ASB1: variants seen among roughly 807,000 people sequenced by gnomAD.
ASB1 encodes ankyrin repeat and SOCS box protein 1.
In ASB1, 18 loss-of-function variants were observed where a neutral mutation model predicts 27.7. The ratio of observed to expected loss-of-function variants is 0.65; its 90% CI spans 0.45 to 0.96. ASB1 has a LOEUF of 0.96. Among genes scored for constraint, ASB1 ranks in the 50% least tolerant of loss-of-function variants. The pLI is 0.00. For synonymous variants in ASB1, 189 were observed against 187.6 expected (o/e 1.01, Z -0.06); for missense variants, 397 against 451.7 (o/e 0.88, Z 1.10).
chr2:238,428,495 G>C (rs1261726452), intron 1 of ASB1, among the ~76,000 whole-genome samples: 1 of 152,166 alleles, frequency 6.6e-6, no homozygotes, highest in Non-Finnish European at 1.5e-5. Flanking sequence ...CACCATATTG[G>C]CATATTGGCC....
chr2:238,441,137 A>G (rs1310030391), intron 3 of ASB1, among the ~76,000 whole-genome samples: 1 of 141,918 alleles, frequency 7.0e-6, no homozygotes, highest in African/African-American at 2.6e-5. Context: ...TTTGCTTTCA[A>G]TTTTTTTTTT....
chr2:238,435,410 T>C (rs948855498), intron 2 of ASB1: 2 of 389,024 alleles, frequency 5.1e-6, no homozygotes, highest in African/African-American at 4.1e-5. Context: ...CCCACCTTTG[T>C]AGAGGAAGGC....
intron 3 of ASB1, among the ~76,000 whole-genome samples, chr2:238,438,526 A>G (rs1419585216): frequency 7.9e-5 from 12 of 152,152 alleles, no homozygotes; most frequent in Non-Finnish European, 1.8e-4. Context: ...CGAAAACGTT[A>G]CTAAGACATC....
intron 3 of ASB1, among the ~76,000 whole-genome samples, chr2:238,436,370 C>T (rs565663545): frequency 6.6e-6 from 1 of 152,042 alleles, no homozygotes; most frequent in South Asian, 2.1e-4. Flanking sequence ...AAGTTGATTT[C>T]CTCTTTGTTC....
Position 238,435,901 on chromosome 2 carries a change from C to T in ASB1, c.382C>T (p.Gln128Ter). 3 of 1,614,208 alleles carry T rather than the reference C, an allele frequency of 1.9e-6. No individual in the cohort carries two copies. The highest frequency in any genetic ancestry group is 2.5e-6 in the Non-Finnish European group (3 of 1,180,036). The change falls in exon 3 of 5, where the codon CAG becomes TAG. Residue 128 changes from glutamine to a stop codon, truncating the protein, a stop_gained. Coordinates refer to ENST00000264607, the MANE Select transcript of ASB1 (RefSeq NM_001040445.3). LOFTEE classifies it high-confidence loss of function. ...GGTGAACGGGCACCTAGAGAGTACCCAGATCCTTCTCGAAGCTGGCGCGGA... is the reference window on the plus strand; with the variant it reads ...GGTGAACGGGCACCTAGAGAGTACCTAGATCCTTCTCGAAGCTGGCGCGGA... The part of the protein sequence containing the change: ...AVVNGHLEST[Q>*]ILLEAGADPN...
chr2:238,446,377 C>A lies in ASB1; in HGVS notation c.881-7C>A, dbSNP rs1220972712. ...TCTATCCCTCTCTTTCTTCCCACGGCCTTCAGGTGTTCCCAGAACCTTGCT... is the reference window on the plus strand; with the variant it reads ...TCTATCCCTCTCTTTCTTCCCACGGACTTCAGGTGTTCCCAGAACCTTGCT... On this transcript the variant is annotated splice_polypyrimidine_tract_variant and splice_region_variant and intron_variant, in intron 4 of 4. Coordinates refer to ENST00000264607, the MANE Select transcript of ASB1 (RefSeq NM_001040445.3). 2 of 1,592,688 alleles carry A rather than the reference C, an allele frequency of 1.3e-6. No individual in the cohort carries two copies. Among genetic ancestry groups the A allele is most frequent in the East Asian group, 2.2e-5 (1 of 44,738 alleles).
In ASB1 at chr2:238,444,654, A is replaced by G; in HGVS notation, c.807A>G (p.Glu269=). 4.3e-6 allele frequency: 7 copies of G among 1,614,170 alleles called. No individual in the cohort carries two copies. The highest frequency in any genetic ancestry group is 5.1e-6 in the Non-Finnish European group (6 of 1,180,030). The change falls in exon 4 of 5, where the codon GAA becomes GAG. Residue 269 remains glutamate, a synonymous_variant. Transcript: ENST00000264607. The stretch of plus-strand genomic sequence containing the variant: ...CCAACCTGAATCTAGTGAAGTGGGA[A>G]TCGCTGGGCCCAGAGTCGAGAGGAA... ...FGANLNLVKW[E]SLGPESRGRR... is the part of the protein sequence containing the mutation.
rs1188881671 is a variant in ASB1, at chr2:238,448,038, C to T, written c.*1527C>T. Reference sequence around the variant, plus strand: ...GGAAAATGCAATCCGGGAGGTGTTTCCTCAGCTGAGGTGACACTGTTAGAA... The same window carrying T: ...GGAAAATGCAATCCGGGAGGTGTTTTCTCAGCTGAGGTGACACTGTTAGAA... On this transcript the variant is annotated 3_prime_UTR_variant, in exon 5 of 5. Coordinates refer to ENST00000264607, the MANE Select transcript of ASB1 (RefSeq NM_001040445.3). 2.0e-5 allele frequency: 3 copies of T among 152,498 alleles called. No individual in the cohort carries two copies. In the South Asian group the frequency reaches 6.2e-4, roughly 32 times the overall value. The allele number at this position is 152,498 out of a possible 1,614,324, so 9.4% of individuals were successfully genotyped here.
intron 1 of ASB1, among the ~76,000 whole-genome samples, chr2:238,430,607 A>T (rs1030732144): frequency 5.3e-5 from 8 of 152,226 alleles, no homozygotes; most frequent in Non-Finnish European, 1.5e-5. Context: ...AGATTGGTGA[A>T]TCCTTTCCAG....
chr2:238,434,468 T>C (rs1459368725), intron 2 of ASB1, among the ~76,000 whole-genome samples: 1 of 152,224 alleles, frequency 6.6e-6, no homozygotes, highest in Non-Finnish European at 1.5e-5. Context: ...CAAATGCCAG[T>C]GCGGTGGTAG....
chr2:238,432,982 G>A lies in ASB1; in HGVS notation c.50-572G>A, dbSNP rs139472983. Reference sequence around the variant, plus strand: ...AGGATGGTTTTGATCTCTTGACCTCGTGATCTGCCCGCCTCGGCCTCTCAA... The same window carrying A: ...AGGATGGTTTTGATCTCTTGACCTCATGATCTGCCCGCCTCGGCCTCTCAA... On this transcript the variant is annotated intron_variant, in intron 1 of 4. Coordinates refer to ENST00000264607, the MANE Select transcript of ASB1 (RefSeq NM_001040445.3). Among the ~76,000 whole-genome samples, 831 of 152,224 alleles carry A rather than the reference G, an allele frequency of 5.5e-3. 7 individuals carry two copies. Among genetic ancestry groups the A allele is most frequent in the African/African-American group, 0.019 (801 of 41,550 alleles).
chr2:238,432,956 C>G (rs1701898687), intron 1 of ASB1, among the ~76,000 whole-genome samples: 1 of 152,034 alleles, frequency 6.6e-6, no homozygotes, highest in African/African-American at 2.4e-5. Context: ...CCATGTTGGC[C>G]AGGATGGTTT....
chr2:238,435,973 T>C lies in ASB1; in HGVS notation c.454T>C (p.Ser152Pro). ...HHRSTPVYHA[S>P]RVGRADILKA... ...TCGCAGCACCCCTGTCTACCACGCC[T>C]CTCGCGTGGGCCGGGCAGACATCCT... The change falls in exon 3 of 5, where the codon TCT (serine) becomes CCT (proline). Residue 152 changes from serine to proline, a missense_variant. Physicochemically the swap from Ser to Pro is moderately conservative, Grantham distance 74. Coordinates refer to ENST00000264607, the MANE Select transcript of ASB1 (RefSeq NM_001040445.3). 7 of 1,613,770 alleles carry C rather than the reference T, an allele frequency of 4.3e-6. No individual in the cohort carries two copies. Among genetic ancestry groups the C allele is most frequent in the Non-Finnish European group, 5.9e-6 (7 of 1,179,968 alleles).
intron 2 of ASB1, among the ~76,000 whole-genome samples, chr2:238,433,901 C>G (rs3769118): frequency 0.16 from 24,791 of 152,176 alleles, 2,251 homozygotes; most frequent in African/African-American, 0.22. Context: ...GACCTGAGTT[C>G]AGGTCCTGCT....
rs1250781042 is a variant in ASB1 at position 238,435,838 on chromosome 2, G to T, written c.319G>T (p.Val107Leu). The T allele has an allele frequency of 6.2e-7, 1 of 1,614,254 alleles. No homozygotes were observed. The highest frequency in any genetic ancestry group is 8.5e-7 in the Non-Finnish European group (1 of 1,180,042). ...CCGGAAGGGGGCCGAGGTGGATCTG[G>T]TGGACGTAAAAGGACAGACGGCCCT... The part of the protein sequence containing the change: ...LIRKGAEVDL[V>L]DVKGQTALYV... The change falls in exon 3 of 5, where the codon GTG becomes TTG. Residue 107 changes from valine (V) to leucine (L), a missense_variant. Physicochemically the swap from Val to Leu is conservative, Grantham distance 32. Coordinates refer to ENST00000264607, the MANE Select transcript of ASB1 (RefSeq NM_001040445.3).
intron 2 of ASB1, among the ~76,000 whole-genome samples, chr2:238,434,394 T>C (rs1377341481): frequency 1.3e-5 from 2 of 152,220 alleles, no homozygotes; most frequent in African/African-American, 4.8e-5. Context: ...AGCTAGAGCT[T>C]AAACTCAGTA....
Position 238,449,637 on chromosome 2 carries a change from C to T in ASB1, c.*3126C>T, listed in dbSNP as rs956436390. 6.6e-6 allele frequency: 1 copy of T among 152,184 alleles called. No individual in the cohort carries two copies. The highest frequency in any genetic ancestry group is 6.5e-5 in the Admixed American group (1 of 15,278). The allele number at this position is 152,184 out of a possible 1,614,324, so 9.4% of individuals were successfully genotyped here. On this transcript the variant is annotated 3_prime_UTR_variant, in exon 5 of 5. Transcript: ENST00000264607. Reference sequence around the variant, plus strand: ...CCACATTCTGTGACTCTTTGCATCACTCGTGTTATTTATTTATTTATTTAT... The same window carrying T: ...CCACATTCTGTGACTCTTTGCATCATTCGTGTTATTTATTTATTTATTTAT...
intron 3 of ASB1, among the ~76,000 whole-genome samples, chr2:238,436,240 G>A (rs1701969148): frequency 6.6e-6 from 1 of 150,642 alleles, no homozygotes; most frequent in Non-Finnish European, 1.5e-5. Flanking sequence ...TTTCCCTTTT[G>A]AGTTGACTGC....
chr2:238,427,179 G>A, intron 1 of ASB1, 60 bp downstream of exon 1: 2 of 1,177,864 alleles, frequency 1.7e-6, no homozygotes, highest in Non-Finnish European at 1.1e-6. Flanking sequence ...GGCTGGCTCC[G>A]GCGTCCCTGC....
Sources: gnomAD v4.1 joint callset for allele counts (sites outside exome capture counted in the v4.1 genomes callset) on GRCh38, gnomAD v4.1.1 for gene constraint, MANE v1.5 for transcripts, NCBI Gene and HGNC (gene_info 2026-07-23, HGNC 2026-07-21) for gene names.